TMEM201: variants seen among roughly 807,000 people sequenced by gnomAD.
The protein encoded by TMEM201 is RP13-15M17.2.
Under a neutral mutation model 63.4 loss-of-function variants are expected in TMEM201, and 26 were observed. That is an observed-to-expected ratio of 0.41 (90% CI 0.30 to 0.57). The LOEUF (loss-of-function observed/expected upper bound fraction) is 0.57, where lower values mean the gene tolerates loss of function less well. TMEM201 is among the 20% of genes least tolerant of loss of function. The pLI is 0.29. For synonymous variants in TMEM201, 417 were observed against 421.6 expected, an observed-to-expected ratio of 0.99 and a Z score of 0.14; for missense variants, 794 against 917.7, an observed-to-expected ratio of 0.87 and a Z score of 1.74.
At chr1:9,596,084 C>G in intron 2 of TMEM201, 74 bp downstream of exon 2, 1 of 1,559,268 alleles carries the variant, frequency 6.4e-7, no homozygotes. Context: ...TGAGACCACC[C>G]TGTGTCCCTG....
Position 9,602,574 on chromosome 1 carries a change from G to A in TMEM201, c.1160+302G>A, listed in dbSNP as rs114457968. ...GCCTGGTGACTGGAATGTGGGCAGC[G>A]CCCACACAGGCTCTGGCCCATGGCT... On this transcript the variant is annotated intron_variant, in intron 6 of 10. Coordinates refer to ENST00000340381, the MANE Select transcript of TMEM201 (RefSeq NM_001130924.3). 4.0e-4 allele frequency: 517 copies of A among 1,306,338 alleles called. 1 individual carries two copies. In the African/African-American group the frequency reaches 6.9e-3, roughly 18 times the overall value. 80.9% of individuals were successfully genotyped at this position (1,306,338 alleles called of 1,614,324 possible).
At chr1:9,602,779 C>T in intron 6 of TMEM201, 1 of 994,862 alleles carries the variant, frequency 1.0e-6, no homozygotes, top group South Asian at 4.5e-5. Flanking sequence ...GCTGGGGCAG[C>T]AGAGAGCCCC....
At chr1:9,597,361 A>G (rs1207981805) in intron 3 of TMEM201, among the ~76,000 whole-genome samples, 1 of 152,144 alleles carries the variant, frequency 6.6e-6, no homozygotes, top group Non-Finnish European at 1.5e-5. Context: ...GTCCAGAGGA[A>G]TTTGTCCCTG....
At chr1:9,596,106 G>A in intron 2 of TMEM201, 96 bp downstream of exon 2, 1 of 1,494,422 alleles carries the variant, frequency 6.7e-7, no homozygotes, top group Non-Finnish European at 9.0e-7. Context: ...CCTGCCCCGG[G>A]GCTCATGGAC....
chr1:9,606,898 C>T (rs1476441912), intron 6 of TMEM201, among the ~76,000 whole-genome samples: 1 of 152,172 alleles, frequency 6.6e-6, no homozygotes, highest in Non-Finnish European at 1.5e-5. Flanking sequence ...AGAGCCTCTT[C>T]CAGGGGGTTC....
Position 9,607,323 on chromosome 1 carries a change from T to C in TMEM201, c.1161-234T>C, listed in dbSNP as rs1557560654. ...GATAGTTTGCTGTGAGCCGAGGGGG[T>C]AGGAGGGGGCATGTGGGGAGGGCCG... is the stretch of plus-strand genomic sequence containing the variant. On this transcript the variant is annotated intron_variant, in intron 6 of 10. Transcript: ENST00000340381. The surrounding 1 kb of genome is among the most constrained non-coding windows in gnomAD (Gnocchi z 5.4). Among the ~76,000 whole-genome samples the C allele has an allele frequency of 6.6e-6, 1 of 150,798 alleles. No homozygotes were observed. The highest frequency in any genetic ancestry group is 6.6e-5 in the Admixed American group (1 of 15,112).
chr1:9,600,883 A>G (rs1316046972), intron 4 of TMEM201, among the ~76,000 whole-genome samples: 1 of 152,162 alleles, frequency 6.6e-6, no homozygotes, highest in Non-Finnish European at 1.5e-5. Context: ...TAAGGTCACT[A>G]CAATATGGAA....
chr1:9,601,904 C>T (rs1311242306), intron 5 of TMEM201, among the ~76,000 whole-genome samples, 165 bp from the exon 6 acceptor site: 3 of 152,208 alleles, frequency 2.0e-5, no homozygotes, highest in African/African-American at 7.2e-5. Flanking sequence ...CCCACCTGCT[C>T]AGAGCCAGGT....
chr1:9,600,331 A>G (rs1183846408), intron 4 of TMEM201, among the ~76,000 whole-genome samples: 1 of 152,204 alleles, frequency 6.6e-6, no homozygotes, highest in African/African-American at 2.4e-5. Flanking sequence ...TGGGCTTTCT[A>G]CGTGGCCCTG....
Position 9,604,183 on chromosome 1 carries a change from G to A in TMEM201, c.1160+1911G>A. The A allele has an allele frequency of 3.0e-6, 3 of 985,442 alleles. No individual in the cohort carries two copies. The highest frequency in any genetic ancestry group is 3.6e-6 in the Non-Finnish European group (3 of 829,938). The allele number at this position is 985,442 out of a possible 1,614,324, so 61.0% of individuals were successfully genotyped here. Reference sequence around the variant, plus strand: ...GAAGTGTTGACAGTGTGATGCTAATGTCTGCTTTTCTTGGCGTTGGGTAGA... The same window carrying A: ...GAAGTGTTGACAGTGTGATGCTAATATCTGCTTTTCTTGGCGTTGGGTAGA... On this transcript the variant is annotated intron_variant, in intron 6 of 10. Transcript: ENST00000340381. This position sits in a 1 kb window ranked among gnomAD's most constrained non-coding sequence, Gnocchi z 4.1.
At position 9,609,859 on chromosome 1, in the gene TMEM201, C is replaced by T. The variant is rs911794489; in HGVS notation, c.1413C>T (p.Ser471=). 22 of 1,551,254 alleles carry T rather than the reference C, an allele frequency of 1.4e-5. No homozygotes were observed. Among genetic ancestry groups the T allele is most frequent in the African/African-American group, 2.7e-5 (2 of 73,014 alleles). Reference sequence around the variant, plus strand: ...CTCCAGACTCCGGCTATCTGTTCAGCGGTAGCCGCCCACCATCTCAGGTGT... The same window carrying T: ...CTCCAGACTCCGGCTATCTGTTCAGTGGTAGCCGCCCACCATCTCAGGTGT... ...LTRADSGYLF[S]GSRPPSQVSR... is the part of the protein sequence containing the mutation. The change falls in exon 8 of 11, where the codon AGC becomes AGT. Residue 471 remains serine, a synonymous_variant. Coordinates refer to ENST00000340381, the MANE Select transcript of TMEM201 (RefSeq NM_001130924.3).
rs764490572 is a variant in TMEM201, at chr1:9,610,759, C to T, written c.1719C>T (p.Pro573=). 5 of 1,548,664 alleles carry T rather than the reference C, an allele frequency of 3.2e-6. No homozygotes were observed. In the South Asian group the frequency reaches 4.8e-5, roughly 15 times the overall value. ...GCAGCCTCTTCACCATGGAGCCGCC[C>T]CATGTTCCCCGGAAGCCGCCCCTGC... ...HNGSLFTMEP[P]HVPRKPPLQD... Residue 573 remains proline (P), a synonymous_variant, in exon 9 of 11, where the codon CCC becomes CCT. Coordinates refer to ENST00000340381, the MANE Select transcript of TMEM201 (RefSeq NM_001130924.3). This position sits in a 1 kb window ranked among gnomAD's most constrained non-coding sequence, Gnocchi z 4.9.
intron 1 of TMEM201, among the ~76,000 whole-genome samples, chr1:9,589,979 C>T (rs1309524431): frequency 6.6e-6 from 1 of 152,222 alleles, no homozygotes; most frequent in Non-Finnish European, 1.5e-5. Context: ...TCTGGCTGGT[C>T]TGTTTGTTCT....
rs1005549293 is a variant in TMEM201 at position 9,602,743 on chromosome 1, G to A, written c.1160+471G>A. ...AGTGGCTACAGGCTGGGCCCCTGGC[G>A]TGCCCTGACCGTGCAGCAGAGTGAG... On this transcript the variant is annotated intron_variant, in intron 6 of 10. Transcript: ENST00000340381. The A allele has an allele frequency of 6.9e-6, 7 of 1,019,842 alleles. No individual in the cohort carries two copies. In the African/African-American group the frequency reaches 8.5e-5, roughly 12 times the overall value. The allele number at this position is 1,019,842 out of a possible 1,614,324, so 63.2% of individuals were successfully genotyped here.
chr1:9,612,336 G>A lies in TMEM201; in HGVS notation c.1903+446G>A, dbSNP rs117059940. ...TCACGCTGGGGCTGCAGCCTGCACC[G>A]GGTGCCGAGCTGCCTGGCTCAGATC... is the stretch of plus-strand genomic sequence containing the variant. On this transcript the variant is annotated intron_variant, in intron 10 of 10. Transcript: ENST00000340381. Among the ~76,000 whole-genome samples, 54 of 152,296 alleles carry A rather than the reference G, an allele frequency of 3.5e-4. 1 individual carries two copies. The East Asian group carries it at 8.7e-3, about 25-fold the overall frequency.
At chr1:9,601,813 G>A (rs922717062) in intron 5 of TMEM201, among the ~76,000 whole-genome samples, 4 of 152,166 alleles carry the variant, frequency 2.6e-5, no homozygotes, top group Non-Finnish European at 5.9e-5. Flanking sequence ...CTGTGTCCCC[G>A]TCGCCCCTGC....
At chr1:9,598,140 G>A (rs1481802413) in intron 3 of TMEM201, among the ~76,000 whole-genome samples, 1 of 152,178 alleles carries the variant, frequency 6.6e-6, no homozygotes, top group African/African-American at 2.4e-5. Flanking sequence ...TTGGAGCTCT[G>A]CATCTGGGGA....
At chr1:9,600,986 C>A in intron 4 of TMEM201, 119 bp from the exon 5 acceptor site, 1 of 892,638 alleles carries the variant, frequency 1.1e-6, no homozygotes. Flanking sequence ...GTTTTTGAAC[C>A]AAGCCCAGGA....
chr1:9,603,866 T>A lies in TMEM201; in HGVS notation c.1160+1594T>A. ...GCTTCAGACAAGGCCCCAGCGTTAC[T>A]GGGCTCAGCTTGTTGTTCTGTGTGG... On this transcript the variant is annotated intron_variant, in intron 6 of 10. Coordinates refer to ENST00000340381, the MANE Select transcript of TMEM201 (RefSeq NM_001130924.3). This position sits in a 1 kb window ranked among gnomAD's most constrained non-coding sequence, Gnocchi z 4.5. The A allele has an allele frequency of 3.0e-6, 3 of 985,482 alleles. No homozygotes were observed. The highest frequency in any genetic ancestry group is 3.6e-6 in the Non-Finnish European group (3 of 829,954). The allele number at this position is 985,482 out of a possible 1,614,324, so 61.0% of individuals were successfully genotyped here. A position where few individuals can be genotyped will look rare whatever the true frequency, so the allele number is the denominator to read the frequency against.
Sources: allele counts gnomAD v4.1 joint callset (sites outside exome capture counted in the v4.1 genomes callset), GRCh38; gene constraint gnomAD v4.1.1; non-coding constraint Gnocchi (gnomAD v3.1); transcripts MANE v1.5; gene names NCBI Gene and HGNC (gene_info 2026-07-23, HGNC 2026-07-21).